Variants in COL15A1 observed in about 807,000 individuals in gnomAD.
The protein encoded by COL15A1 is collagen type XV alpha 1 chain.
COL15A1 carries 111 observed loss-of-function variants against 165.9 expected under a neutral mutation model. The observed-to-expected ratio is 0.67, with a 90% CI of 0.57 to 0.78. The LOEUF is 0.78. Among genes scored for constraint, COL15A1 ranks in the 30% least tolerant of loss-of-function variants. The pLI is 0.00. For missense variants in COL15A1, 1,745 were observed against 1,789.7 expected, an observed-to-expected ratio of 0.98 and a Z score of 0.45; for synonymous variants, 659 against 674.8, an observed-to-expected ratio of 0.98 and a Z score of 0.36.
intron 2 of COL15A1, among the ~76,000 whole-genome samples, chr9:98,968,062 C>T (rs760550456): frequency 1.3e-5 from 2 of 152,190 alleles, no homozygotes; most frequent in African/African-American, 2.4e-5. Context: ...GGAGTTTGAA[C>T]CCAGGTTGTC....
At chr9:99,036,485 G>C (rs556009817) in intron 21 of COL15A1, 89 bp downstream of exon 21, 133 of 1,404,904 alleles carry the variant, frequency 9.5e-5, no homozygotes, top group Non-Finnish European at 1.3e-4. Context: ...AAAGCTTCTG[G>C]CTATGCAGGA....
At position 99,015,433 on chromosome 9, in the gene COL15A1, A is replaced by G. The variant is rs150243247; in HGVS notation, c.1370A>G (p.Asp457Gly). The G allele has an allele frequency of 5.8e-5, 94 of 1,608,800 alleles. No homozygotes were observed. In the African/African-American group the frequency reaches 1.1e-3, roughly 19 times the overall value. The change falls in exon 10 of 42, where the codon GAC (aspartate) becomes GGC (glycine). Residue 457 changes from aspartate (D) to glycine (G), a missense_variant. Coordinates refer to ENST00000375001, the MANE Select transcript of COL15A1 (RefSeq NM_001855.5). ...EEATVGPSSE[D>G]SLTTAAAATE... Reference sequence around the variant, plus strand: ...TCATTTCAGGGTCCAAGCAGTGAAGACAGTTTAACAACAGCTGCAGCTGCA... The same window carrying G: ...TCATTTCAGGGTCCAAGCAGTGAAGGCAGTTTAACAACAGCTGCAGCTGCA...
intron 16 of COL15A1, among the ~76,000 whole-genome samples, chr9:99,032,144 A>T (rs1839220378): frequency 6.6e-6 from 1 of 151,264 alleles, no homozygotes; most frequent in African/African-American, 2.4e-5. Context: ...GTGTTTAAAA[A>T]TTCCTCTGCA....
intron 2 of COL15A1, among the ~76,000 whole-genome samples, chr9:98,950,676 C>T (rs1160959800): frequency 6.6e-6 from 1 of 150,396 alleles, no homozygotes; most frequent in Non-Finnish European, 1.5e-5. Flanking sequence ...TGGTGGCCGG[C>T]CCATCTTGGC....
chr9:99,001,163 C>G (rs570810695), intron 7 of COL15A1, among the ~76,000 whole-genome samples: 1 of 152,144 alleles, frequency 6.6e-6, no homozygotes, highest in East Asian at 1.9e-4. Context: ...GGGGGATATG[C>G]AGTGCAAGCT....
At chr9:99,007,449 A>G (rs1838781223) in intron 9 of COL15A1, among the ~76,000 whole-genome samples, 1 of 152,214 alleles carries the variant, frequency 6.6e-6, no homozygotes, top group African/African-American at 2.4e-5. Flanking sequence ...AAAGCATTTT[A>G]AAGAAAATGA....
chr9:98,982,536 C>G (rs1052746618), intron 2 of COL15A1, among the ~76,000 whole-genome samples: 2 of 152,116 alleles, frequency 1.3e-5, no homozygotes, highest in African/African-American at 4.8e-5. Flanking sequence ...CAACCTGATA[C>G]AACTTTATCA....
intron 38 of COL15A1, among the ~76,000 whole-genome samples, chr9:99,062,817 C>T (rs1458384127): frequency 9.2e-5 from 14 of 152,122 alleles, no homozygotes; most frequent in Admixed American, 1.3e-4. Context: ...AAAAAGAATG[C>T]CCTTCCTTGA....
At chr9:98,989,530 C>G (rs982484493) in intron 5 of COL15A1, among the ~76,000 whole-genome samples, 8 of 152,304 alleles carry the variant, frequency 5.3e-5, no homozygotes, top group African/African-American at 1.9e-4. Flanking sequence ...TGCTTTGGAG[C>G]CTTGGGTAAA....
chr9:99,016,231 A>G, intron 11 of COL15A1, 112 bp downstream of exon 11: 2 of 1,374,390 alleles, frequency 1.5e-6, no homozygotes, highest in Admixed American at 2.9e-5. Context: ...GTAGGTTTTC[A>G]TGTTGGTTTG....
intron 36 of COL15A1, among the ~76,000 whole-genome samples, chr9:99,060,575 A>G (rs1460063668): frequency 6.6e-6 from 1 of 151,656 alleles, no homozygotes; most frequent in Non-Finnish European, 1.5e-5. Flanking sequence ...CCTGGCCACC[A>G]ATAATAGTAT....
chr9:99,009,540 C>A (rs1373522830), intron 9 of COL15A1, among the ~76,000 whole-genome samples: 2 of 151,898 alleles, frequency 1.3e-5, no homozygotes, highest in Non-Finnish European at 2.9e-5. Context: ...TTCTGAAAAT[C>A]AAAAAATTAA....
At chr9:98,959,496 C>T (rs1837833860) in intron 2 of COL15A1, among the ~76,000 whole-genome samples, 1 of 152,116 alleles carries the variant, frequency 6.6e-6, no homozygotes, top group Non-Finnish European at 1.5e-5. Flanking sequence ...GCATACCATT[C>T]CAACACAGTC....
chr9:99,066,674 C>G (rs970262081), intron 39 of COL15A1, among the ~76,000 whole-genome samples: 2 of 129,198 alleles, frequency 1.5e-5, no homozygotes, highest in Non-Finnish European at 3.1e-5. Context: ...AGAGCTGAAA[C>G]AGGCTGCTTG....
At position 98,989,258 on chromosome 9, in the gene COL15A1, G is replaced by C; in HGVS notation, c.804G>C (p.Ser268=). 3.1e-6 allele frequency: 5 copies of C among 1,611,308 alleles called. No homozygotes were observed. Among genetic ancestry groups the C allele is most frequent in the Non-Finnish European group, 4.2e-6 (5 of 1,177,508 alleles). The change falls in exon 5 of 42, where the codon TCG becomes TCC. Residue 268 remains serine (S), a splice_region_variant and synonymous_variant. Coordinates refer to ENST00000375001, the MANE Select transcript of COL15A1 (RefSeq NM_001855.5). ...ILEAVTYTQA[S]PKEAKVEPIN... Reference sequence around the variant, plus strand: ...AAGCCGTCACCTACACTCAAGCCTCGGTGAGTACTGGGATGCTGTGCCATG... The same window carrying C: ...AAGCCGTCACCTACACTCAAGCCTCCGTGAGTACTGGGATGCTGTGCCATG...
In COL15A1 at chr9:99,068,748, C is replaced by T. The variant is rs1160335371; in HGVS notation, c.3953+78C>T. ...CATCCTAACAATGGGATGCCTTTAT[C>T]AGCTGCTTCTCTAGGATATTGCCAA... is the stretch of plus-strand genomic sequence containing the variant. On this transcript the variant is annotated intron_variant, in intron 41 of 41. Coordinates refer to ENST00000375001, the MANE Select transcript of COL15A1 (RefSeq NM_001855.5). The T allele has an allele frequency of 7.3e-6, 6 of 826,278 alleles. No individual in the cohort carries two copies. In the African/African-American group the frequency reaches 9.1e-5, roughly 13 times the overall value. 51.2% of individuals were successfully genotyped at this position (826,278 alleles called of 1,614,324 possible).
chr9:99,015,444 ACAGCTG>A lies in COL15A1; in HGVS notation c.1390_1395del (p.Ala464_Ala465del). ...TCCAAGCAGTGAAGACAGTTTAACA[ACAGCTG>A]CAGCTGCAACCGAAGTGTCCCTCAG... is the stretch of plus-strand genomic sequence containing the variant. On this transcript the variant is annotated inframe_deletion, in exon 10 of 42. Coordinates refer to ENST00000375001, the MANE Select transcript of COL15A1 (RefSeq NM_001855.5). 1 of 1,609,232 alleles carries A rather than the reference ACAGCTG, an allele frequency of 6.2e-7. No individual in the cohort carries two copies. Among genetic ancestry groups the A allele is most frequent in the Non-Finnish European group, 8.5e-7 (1 of 1,176,444 alleles).
At position 99,060,253 on chromosome 9, in the gene COL15A1, TA is replaced by T. The variant is rs59680147; in HGVS notation, c.3402+301del. Among the ~76,000 whole-genome samples, 138 of 128,906 alleles carry T rather than the reference TA, an allele frequency of 1.1e-3. 1 individual carries two copies. The highest frequency in any genetic ancestry group is 4.3e-3 in the African/African-American group (118 of 27,750). The allele number at this position is 128,906 out of a possible 152,430, so 84.6% of individuals were successfully genotyped here. A position where few individuals can be genotyped will look rare whatever the true frequency, so the allele number is the denominator to read the frequency against. On this transcript the variant is annotated intron_variant, in intron 36 of 41. Transcript: ENST00000375001. ...ATATTTTTATATATATATATATATA[TA>T]TATTTTTTTTTTGCTGGATGAGGGG...
intron 16 of COL15A1, among the ~76,000 whole-genome samples, chr9:99,027,203 T>C (rs548606207): frequency 3.9e-4 from 60 of 152,136 alleles, no homozygotes; most frequent in Non-Finnish European, 7.8e-4. Flanking sequence ...ATGCGATCAG[T>C]GGGTTTTACT....
Sources: allele counts gnomAD v4.1 joint callset (sites outside exome capture counted in the v4.1 genomes callset), GRCh38; gene constraint gnomAD v4.1.1; transcripts MANE v1.5; gene names NCBI Gene and HGNC (gene_info 2026-07-23, HGNC 2026-07-21).